The following MRPL38 variants were observed in gnomAD, a reference collection of about 807,000 sequenced individuals.
MRPL38 encodes large ribosomal subunit protein mL38.
Under a neutral mutation model 52.1 loss-of-function variants are expected in MRPL38, and 51 were observed. That is an observed-to-expected ratio of 0.98 (90% confidence interval 0.78 to 1.24). The LOEUF (loss-of-function observed/expected upper bound fraction) is 1.24. MRPL38 is among the 50% of genes most tolerant of loss of function. The pLI is 0.00. For synonymous variants in MRPL38, 245 were observed against 212.7 expected, an observed-to-expected ratio of 1.15 and a Z score of -1.32; for missense variants, 527 against 518.6, an observed-to-expected ratio of 1.02 and a Z score of -0.16.
chr17:75,901,045 T>TGCTGACCACGGCCCA lies in MRPL38; in HGVS notation c.665-33_665-19dup. ...GTGCCCATCTGCACAAAAACACACCTGCTGACCACGGCCCAGCCGACCACG... is the reference window on the plus strand; with the variant it reads ...GTGCCCATCTGCACAAAAACACACCTGCTGACCACGGCCCAGCTGACCACGGCCCAGCCGACCACG... On this transcript the variant is annotated intron_variant, in intron 5 of 8. Coordinates refer to ENST00000309352, the MANE Select transcript of MRPL38 (RefSeq NM_032478.4). The surrounding 1 kb of genome is among the most constrained non-coding windows in gnomAD (Gnocchi z 5.7). The TGCTGACCACGGCCCA allele has an allele frequency of 1.9e-6, 3 of 1,610,594 alleles. No individual in the cohort carries two copies. The highest frequency in any genetic ancestry group is 2.5e-6 in the Non-Finnish European group (3 of 1,178,770).
In MRPL38 at chr17:75,901,223, C is replaced by T; in HGVS notation, c.642G>A (p.Trp214Ter). Residue 214 changes from tryptophan to a stop codon, truncating the protein, a stop_gained, in exon 5 of 9, where the codon TGG becomes TGA. Transcript: ENST00000309352. LOFTEE classifies it high-confidence loss of function. The surrounding 1 kb of genome is among the most constrained non-coding windows in gnomAD (Gnocchi z 5.7). The part of the protein sequence containing the change: ...VTYEAEEGSL[W>*]TLLLTSLDGH... ...CACCCAAGCTAGTGAGTAGCAACGT[C>T]CACAAGGAGCCCTCTTCTGCCTCAT... 1 of 1,613,666 alleles carries T rather than the reference C, an allele frequency of 6.2e-7. No homozygotes were observed. Among genetic ancestry groups the T allele is most frequent in the Non-Finnish European group, 8.5e-7 (1 of 1,179,854 alleles).
chr17:75,899,730 C>T lies in MRPL38; in HGVS notation c.711-56G>A, dbSNP rs2065395640. The T allele has an allele frequency of 4.2e-6, 6 of 1,424,352 alleles. No homozygotes were observed. In the Admixed American group the frequency reaches 1.0e-4, roughly 24 times the overall value. 88.2% of individuals were successfully genotyped at this position (1,424,352 alleles called of 1,614,324 possible). A position where few individuals can be genotyped will look rare whatever the true frequency, so the allele number is the denominator to read the frequency against. On this transcript the variant is annotated intron_variant, in intron 6 of 8. Coordinates refer to ENST00000309352, the MANE Select transcript of MRPL38 (RefSeq NM_032478.4). ...ACTCCAGGGAGGCAGCAGGAGTGTC[C>T]CCTCAGCTCCATGCACACCCTAGAG...
In MRPL38 at chr17:75,904,724, G is replaced by A. The variant is rs1343449867; in HGVS notation, c.68-5C>T. 1.2e-5 allele frequency: 19 copies of A among 1,570,306 alleles called. No homozygotes were observed. In the East Asian group the frequency reaches 2.3e-4, roughly 19 times the overall value. On this transcript the variant is annotated splice_region_variant and splice_polypyrimidine_tract_variant and intron_variant, in intron 1 of 8. Coordinates refer to ENST00000309352, the MANE Select transcript of MRPL38 (RefSeq NM_032478.4). ...GTGTCCGGCGGCCCAGGACGGCTGC[G>A]GGCAGAGAGAAGACGTAAGGCCGGC...
chr17:75,904,268 T>C, intron 2 of MRPL38: 1 of 625,540 alleles, frequency 1.6e-6, no homozygotes, highest in Non-Finnish European at 3.1e-6. Context: ...ATCCGGAAAG[T>C]CAGGTGGTCA....
At chr17:75,902,849 G>A (rs1350336989) in intron 2 of MRPL38, among the ~76,000 whole-genome samples, 1 of 152,162 alleles carries the variant, frequency 6.6e-6, no homozygotes, top group African/African-American at 2.4e-5. Context: ...AGCCTTCTGA[G>A]TAGCTGGGAT....
intron 8 of MRPL38, 41 bp from the exon 9 acceptor site, chr17:75,899,027 G>A: frequency 3.2e-6 from 5 of 1,552,866 alleles, no homozygotes; most frequent in Non-Finnish European, 4.3e-6. Flanking sequence ...CTGCTGGCCT[G>A]CGCCCCCTCA....
rs1599471580 is a variant in MRPL38, at chr17:75,899,095, TGGCAG to T, written c.1006+58_1006+62del. On this transcript the variant is annotated intron_variant, in intron 8 of 8. Transcript: ENST00000309352. ...GCCTTCCCCTAACAAAGCTTCTCCC[TGGCAG>T]GGCAGGCGAGGCCTGGGAGCTCAGG... 8 of 1,551,284 alleles carry T rather than the reference TGGCAG, an allele frequency of 5.2e-6. No homozygotes were observed. The East Asian group carries it at 1.9e-4, about 36-fold the overall frequency.
intron 6 of MRPL38, 107 bp downstream of exon 6, chr17:75,900,875 C>A: frequency 6.8e-7 from 1 of 1,465,998 alleles, no homozygotes; most frequent in South Asian, 1.4e-5. Context: ...CAGGTGAATT[C>A]AAGGTCCCAT....
chr17:75,899,789 C>T (rs2065395917), intron 6 of MRPL38, 115 bp from the exon 7 acceptor site: 2 of 901,720 alleles, frequency 2.2e-6, no homozygotes, highest in Non-Finnish European at 3.1e-6. Flanking sequence ...CAGCTCTAAG[C>T]ATCTCTCTCC....
intron 8 of MRPL38, 43 bp from the exon 9 acceptor site, chr17:75,899,029 G>T: frequency 6.5e-7 from 1 of 1,545,198 alleles, no homozygotes; most frequent in South Asian, 1.2e-5. Flanking sequence ...GCTGGCCTGC[G>T]CCCCCTCAGG....
Position 75,904,547 on chromosome 17 carries a change from C to T in MRPL38, c.240G>A (p.Glu80=), listed in dbSNP as rs1164225099. The change falls in exon 2 of 9, where the codon GAG becomes GAA. Residue 80 remains glutamate, a synonymous_variant. Coordinates refer to ENST00000309352, the MANE Select transcript of MRPL38 (RefSeq NM_032478.4). ...GCTCCAGTCGCCCCGCACCTGTCTTCTCCCCGAAATACTCTCGGTAGGTCC... is the reference window on the plus strand; with the variant it reads ...GCTCCAGTCGCCCCGCACCTGTCTTTTCCCCGAAATACTCTCGGTAGGTCC... The part of the protein sequence containing the change: ...WWRTYREYFG[E]KTDPKEKIDI... The T allele has an allele frequency of 6.5e-7, 1 of 1,550,196 alleles. No individual in the cohort carries two copies. Among genetic ancestry groups the T allele is most frequent in the Non-Finnish European group, 8.6e-7 (1 of 1,158,006 alleles).
At chr17:75,904,770 G>GGGGCGGCCCGGCCCCCCCC in intron 1 of MRPL38, 39 bp downstream of exon 1, 1 of 500,008 alleles carries the variant, frequency 2.0e-6, no homozygotes, top group South Asian at 2.8e-5. Flanking sequence ...TCGGGCGACA[G>GGGGCGGCCCGGCCCCCCCC]CCCCCCCCCC....
chr17:75,904,456 G>A (rs114755328), intron 2 of MRPL38, 84 bp downstream of exon 2: 59,044 of 1,398,566 alleles, frequency 0.042, 1,449 homozygotes, highest in Middle Eastern at 0.13. Flanking sequence ...CGCCGGCAAG[G>A]CTCGCCCAGC....
chr17:75,899,943 G>A (rs2065396528), intron 6 of MRPL38: 1 of 276,802 alleles, frequency 3.6e-6, no homozygotes, highest in East Asian at 6.3e-5. Context: ...TCCAGGCCCC[G>A]GGAGCCGGTG....
chr17:75,898,938 G>A lies in MRPL38; in HGVS notation c.1055C>T (p.Pro352Leu). ...CCGGTGGGGGAAGCGCTTCTGCTTGGGGTGGTAAGGGGGCGGCCGCACGAA... is the reference window on the plus strand; with the variant it reads ...CCGGTGGGGGAAGCGCTTCTGCTTGAGGTGGTAAGGGGGCGGCCGCACGAA... ...FEFVRPPPYH[P>L]KQKRFPHRQP... is the part of the protein sequence containing the mutation. Residue 352 changes from proline to leucine, a missense_variant, in exon 9 of 9, where the codon CCC becomes CTC. Coordinates refer to ENST00000309352, the MANE Select transcript of MRPL38 (RefSeq NM_032478.4). The A allele has an allele frequency of 6.2e-7, 1 of 1,608,624 alleles. No individual in the cohort carries two copies. The highest frequency in any genetic ancestry group is 8.5e-7 in the Non-Finnish European group (1 of 1,178,620).
Position 75,902,051 on chromosome 17 carries a change from C to T in MRPL38, c.351G>A (p.Val117=). The T allele has an allele frequency of 1.9e-6, 3 of 1,613,224 alleles. No individual in the cohort carries two copies. The highest frequency in any genetic ancestry group is 1.7e-5 in the Admixed American group (1 of 59,938). The change falls in exon 3 of 9, where the codon GTG becomes GTA. Residue 117 remains valine, a synonymous_variant. Coordinates refer to ENST00000309352, the MANE Select transcript of MRPL38 (RefSeq NM_032478.4). ...KQAIQELRAN[V]EEERAARLRT... ...GGAGGCGGGCAGCCCGCTCCTCTTC[C>T]ACATTGGCCCGAAGCTCCTGGATGG...
chr17:75,904,516 G>T, intron 2 of MRPL38, 24 bp downstream of exon 2: 1 of 1,506,068 alleles, frequency 6.6e-7, no homozygotes. Flanking sequence ...GGTGGCTGCA[G>T]CCCCTGCTCC....
chr17:75,902,778 G>A (rs2065410814), intron 2 of MRPL38, among the ~76,000 whole-genome samples: 1 of 152,186 alleles, frequency 6.6e-6, no homozygotes, highest in Non-Finnish European at 1.5e-5. Context: ...CTGGAGTGCA[G>A]TGGCGCGATC....
Position 75,902,038 on chromosome 17 carries a change from C to G in MRPL38, c.364G>C (p.Ala122Pro). 1 of 1,613,638 alleles carries G rather than the reference C, an allele frequency of 6.2e-7. No homozygotes were observed. The highest frequency in any genetic ancestry group is 8.5e-7 in the Non-Finnish European group (1 of 1,179,768). ...GGCTTACCTGTGCGGAGGCGGGCAG[C>G]CCGCTCCTCTTCCACATTGGCCCGA... ...ELRANVEEER[A>P]ARLRTASVPL... is the part of the protein sequence containing the mutation. The change falls in exon 3 of 9, where the codon GCT becomes CCT. Residue 122 changes from alanine (A) to proline (P), a missense_variant. Transcript: ENST00000309352.
Sources: allele counts gnomAD v4.1 joint callset (sites outside exome capture counted in the v4.1 genomes callset), GRCh38; gene constraint gnomAD v4.1.1; non-coding constraint Gnocchi (gnomAD v3.1); transcripts MANE v1.5; gene names NCBI Gene and HGNC (gene_info 2026-07-23, HGNC 2026-07-21).